PTBP3: variants seen among roughly 807,000 people sequenced by gnomAD.
The protein encoded by PTBP3 is polypyrimidine tract-binding protein 3.
Under a neutral mutation model 58.7 loss-of-function variants are expected in PTBP3, and 20 were observed. The observed-to-expected ratio is 0.34, with a 90% CI of 0.24 to 0.50. The LOEUF is 0.50. Ranked by LOEUF, PTBP3 falls within the 20% of genes least tolerant of loss-of-function variation. PTBP3 has a pLI of 0.98. For missense variants in PTBP3, 509 were observed against 637.2 expected (o/e 0.80, Z 2.17); for synonymous variants, 185 against 219.8 (o/e 0.84, Z 1.40).
chr9:112,265,872 CCCTCATT>C (rs1258155875), intron 4 of PTBP3, among the ~76,000 whole-genome samples: 1 of 152,182 alleles, frequency 6.6e-6, no homozygotes, highest in East Asian at 1.9e-4. Flanking sequence ...TGAACCCTTA[CCCTCATT>C]CCTACATCCA....
chr9:112,356,874 C>CTTTTT, the PTBP3 span, among the ~76,000 whole-genome samples: 87 of 91,524 alleles, frequency 9.5e-4, 5 homozygotes, highest in East Asian at 1.5e-3. Context: ...TCATTTCCCT[C>CTTTTT]TTTTTTTTTT....
At chr9:112,378,115 AC>A in the PTBP3 span, among the ~76,000 whole-genome samples, 3 of 134,718 alleles carry the variant, frequency 2.2e-5, no homozygotes, top group Admixed American at 2.2e-4. Context: ...CCTCTCCTTC[AC>A]CCATTCCTCA....
chr9:112,308,676 T>C (rs1320444342), intron 1 of PTBP3, among the ~76,000 whole-genome samples: 1 of 151,982 alleles, frequency 6.6e-6, no homozygotes, highest in Non-Finnish European at 1.5e-5. Flanking sequence ...GTAAACAAAT[T>C]AATGTATACA....
At chr9:112,331,441 T>G (rs1016294490) in intron 1 of PTBP3, among the ~76,000 whole-genome samples, 1 of 152,234 alleles carries the variant, frequency 6.6e-6, no homozygotes, top group African/African-American at 2.4e-5. Flanking sequence ...TACATATTGT[T>G]AATAACCTAT....
intron 7 of PTBP3, among the ~76,000 whole-genome samples, chr9:112,239,856 A>G (rs1171973269): frequency 4.5e-5 from 1 of 22,026 alleles, no homozygotes; most frequent in Non-Finnish European, 8.4e-5. Flanking sequence ...GGAGGGAGGG[A>G]GGGAGGGAGG....
chr9:112,321,778 C>T (rs1829960963), intron 1 of PTBP3, among the ~76,000 whole-genome samples: 1 of 152,112 alleles, frequency 6.6e-6, no homozygotes, highest in South Asian at 2.1e-4. Context: ...GTAAGAAACC[C>T]TCAGAGCCTG....
At chr9:112,306,648 G>A (rs1480367294) in intron 1 of PTBP3, among the ~76,000 whole-genome samples, 1 of 148,476 alleles carries the variant, frequency 6.7e-6, no homozygotes, top group East Asian at 2.0e-4. Flanking sequence ...ACAGAGTCTT[G>A]CTCTGTCACC....
chr9:112,318,379 T>C (rs1421676375), intron 1 of PTBP3, among the ~76,000 whole-genome samples: 1 of 152,222 alleles, frequency 6.6e-6, no homozygotes, highest in Non-Finnish European at 1.5e-5. Flanking sequence ...AAACACCATT[T>C]ACATTAGCAA....
chr9:112,273,397 C>T (rs1005858692), intron 3 of PTBP3, among the ~76,000 whole-genome samples: 3 of 152,148 alleles, frequency 2.0e-5, no homozygotes, highest in African/African-American at 7.2e-5. Context: ...TAGCTTGTTT[C>T]TAACTGTTTT....
chr9:112,340,986 G>A, the PTBP3 span, among the ~76,000 whole-genome samples: 53,893 of 151,882 alleles, frequency 0.35, 9,748 homozygotes, highest in South Asian at 0.44. Context: ...CTTCTTATCC[G>A]TTTTTGTTCC....
chr9:112,292,273 C>T (rs766843357), intron 2 of PTBP3, among the ~76,000 whole-genome samples: 4 of 152,004 alleles, frequency 2.6e-5, no homozygotes, highest in Non-Finnish European at 4.4e-5. Flanking sequence ...AATTTAAAAC[C>T]CAAAAAATAA....
intron 4 of PTBP3, among the ~76,000 whole-genome samples, chr9:112,263,997 T>C (rs572994553): frequency 6.6e-6 from 1 of 151,010 alleles, no homozygotes; most frequent in South Asian, 2.1e-4. Flanking sequence ...AAAAAAAGTG[T>C]GTCTGATGCT....
chr9:112,333,980 CGGGCCT>C (rs1830506015), upstream of PTBP3, among the ~76,000 whole-genome samples: 1 of 151,512 alleles, frequency 6.6e-6, no homozygotes, highest in Non-Finnish European at 1.5e-5. Context: ...CTTCGCAGAC[CGGGCCT>C]GCCAGGTTTG....
chr9:112,218,159 C>G (rs1009497582), downstream of PTBP3: 1 of 152,146 alleles, frequency 6.6e-6, no homozygotes, highest in African/African-American at 2.4e-5. Flanking sequence ...GCCGCCATGC[C>G]CCTGCATTAC....
intron 12 of PTBP3, among the ~76,000 whole-genome samples, chr9:112,225,920 T>C (rs1564385899): frequency 6.6e-6 from 1 of 152,094 alleles, no homozygotes; most frequent in Non-Finnish European, 1.5e-5. Context: ...TGCCGACACC[T>C]GTAGTCCCAG....
intron 8 of PTBP3, 102 bp downstream of exon 8, chr9:112,234,718 T>C (rs920492688): frequency 4.5e-6 from 5 of 1,108,622 alleles, no homozygotes; most frequent in East Asian, 2.5e-5. Flanking sequence ...TAATGCTTTA[T>C]GGTAAATTCT....
chr9:112,376,253 T>TTG, the PTBP3 span, among the ~76,000 whole-genome samples: 1 of 980 alleles, frequency 1.0e-3, no homozygotes, highest in African/African-American at 0.019. Flanking sequence ...GTTTATTAAG[T>TTG]TTTTTTTTTT....
chr9:112,352,872 G>C, the PTBP3 span, among the ~76,000 whole-genome samples: 1,216 of 151,864 alleles, frequency 8.0e-3, 16 homozygotes, highest in African/African-American at 0.028. Flanking sequence ...ATCTTCCTTT[G>C]AAGTTAAGTA....
the PTBP3 span, among the ~76,000 whole-genome samples, chr9:112,360,756 CTTAT>C: frequency 1.3e-5 from 2 of 151,920 alleles, no homozygotes; most frequent in East Asian, 1.9e-4. Flanking sequence ...AGTCACCAAA[CTTAT>C]TTAGTAGGTT....
Sources: gnomAD v4.1 joint callset for allele counts (sites outside exome capture counted in the v4.1 genomes callset) on GRCh38, gnomAD v4.1.1 for gene constraint, MANE v1.5 for transcripts, NCBI Gene and HGNC (gene_info 2026-07-23, HGNC 2026-07-21) for gene names.